The following PALM2AKAP2 variants were observed in gnomAD, a reference collection of about 807,000 sequenced individuals.
PALM2AKAP2 encodes PALM2-AKAP2 fusion protein.
In PALM2AKAP2, 37 loss-of-function variants were observed where a neutral mutation model predicts 71.5. The ratio of observed to expected loss-of-function variants is 0.52; its 90% CI spans 0.40 to 0.68. The LOEUF (loss-of-function observed/expected upper bound fraction) is 0.68. PALM2AKAP2 is among the 30% of genes least tolerant of loss of function. The pLI, the probability that PALM2AKAP2 is intolerant of heterozygous loss-of-function variation, is 0.00. For missense variants in PALM2AKAP2, 1,224 were observed against 1,191.8 expected (o/e 1.03, Z -0.40); for synonymous variants, 468 against 478.8 (o/e 0.98, Z 0.29).
intron 1 of PALM2AKAP2, among the ~76,000 whole-genome samples, chr9:109,841,058 A>C (rs1371821876): frequency 1.2e-4 from 19 of 152,238 alleles, no homozygotes; most frequent in Non-Finnish European, 8.8e-5. Context: ...CTACAAAGAC[A>C]CATGCACAGG....
At chr9:110,062,479 T>C (rs1833985890) in intron 1 of PALM2AKAP2, among the ~76,000 whole-genome samples, 1 of 152,198 alleles carries the variant, frequency 6.6e-6, no homozygotes, top group Admixed American at 6.5e-5. Flanking sequence ...ACATAAAAAA[T>C]AGCATTTTAA....
At chr9:109,828,854 T>C (rs1287933539) in intron 1 of PALM2AKAP2, among the ~76,000 whole-genome samples, 1 of 152,164 alleles carries the variant, frequency 6.6e-6, no homozygotes. Flanking sequence ...GTAAAGTGAG[T>C]CTTCAGAAAC....
chr9:110,100,720 G>A (rs1390235617), intron 1 of PALM2AKAP2, among the ~76,000 whole-genome samples: 1 of 152,184 alleles, frequency 6.6e-6, no homozygotes, highest in Non-Finnish European at 1.5e-5. Context: ...TAGAATTTGT[G>A]TCAACTGTCT....
At chr9:109,666,376 T>G (rs985476455) in intron 1 of PALM2AKAP2, among the ~76,000 whole-genome samples, 1 of 152,230 alleles carries the variant, frequency 6.6e-6, no homozygotes, top group African/African-American at 2.4e-5. Context: ...GTGCCTCTTT[T>G]TGATGAATCT....
intron 1 of PALM2AKAP2, among the ~76,000 whole-genome samples, chr9:109,822,129 G>A (rs1295268344): frequency 1.3e-5 from 2 of 152,220 alleles, no homozygotes; most frequent in African/African-American, 4.8e-5. Context: ...CAAGGAAAAA[G>A]GGGAGGGAAT....
At chr9:109,796,735 C>T (rs1827266571) in intron 1 of PALM2AKAP2, among the ~76,000 whole-genome samples, 1 of 152,090 alleles carries the variant, frequency 6.6e-6, no homozygotes, top group Non-Finnish European at 1.5e-5. Context: ...ACTTATAAAA[C>T]CATCAGATTT....
chr9:109,957,975 T>G (rs1359321053), intron 6 of PALM2AKAP2, among the ~76,000 whole-genome samples: 2 of 152,174 alleles, frequency 1.3e-5, no homozygotes, highest in African/African-American at 2.4e-5. Context: ...AAAGCCCAAG[T>G]CTGTCATTGG....
At chr9:109,866,896 C>T (rs1488851825) in intron 1 of PALM2AKAP2, 2 of 389,520 alleles carry the variant, frequency 5.1e-6, no homozygotes, top group East Asian at 7.2e-5. Flanking sequence ...AGCTGCCCCA[C>T]CCACATGAAA....
rs771198138 is a variant in PALM2AKAP2, at chr9:109,707,967, G to C, written c.5+67101G>C. Among the ~76,000 whole-genome samples the C allele has an allele frequency of 1.4e-4, 22 of 152,248 alleles. 1 individual carries two copies. Among genetic ancestry groups the C allele is most frequent in the Non-Finnish European group, 2.9e-4 (20 of 68,010 alleles). The stretch of plus-strand genomic sequence containing the variant: ...TAGATTCAAACCCAGGCCAAGCCCA[G>C]TGCCTTTCCCATAAGATCTTCATGG... On this transcript the variant is annotated intron_variant, in intron 1 of 6. Transcript: ENST00000374531.
intron 1 of PALM2AKAP2, among the ~76,000 whole-genome samples, chr9:109,651,384 G>A (rs943150638): frequency 5.9e-5 from 9 of 152,124 alleles, no homozygotes; most frequent in Non-Finnish European, 1.0e-4. Flanking sequence ...TTGATGTGGC[G>A]ATGGCTCCCT....
chr9:110,038,357 C>CA lies in PALM2AKAP2; in HGVS notation c.582+22324dup, dbSNP rs869224268. On this transcript the variant is annotated intron_variant, in intron 7 of 9. Coordinates refer to the PALM2AKAP2 transcript ENST00000302798. Reference sequence around the variant, plus strand: ...ACAAACAAACAAACAAACAAACAAACAAAAAACAAAAAGGTCAGAGAGCAC... The same window carrying CA: ...ACAAACAAACAAACAAACAAACAAACAAAAAAACAAAAAGGTCAGAGAGCAC... 2.8e-5 allele frequency among the ~76,000 whole-genome samples: 4 copies of CA among 143,428 alleles called. No individual in the cohort carries two copies. In the East Asian group the frequency reaches 8.3e-4, roughly 30 times the overall value. 94.1% of individuals were successfully genotyped at this position (143,428 alleles called of 152,430 possible). A position where few individuals can be genotyped will look rare whatever the true frequency, so the allele number is the denominator to read the frequency against.
chr9:110,143,433 G>GGA (rs1332770078), intron 2 of PALM2AKAP2, among the ~76,000 whole-genome samples: 3 of 98,012 alleles, frequency 3.1e-5, no homozygotes, highest in East Asian at 4.3e-4. Flanking sequence ...AAAAAAAAAA[G>GGA]GAGAGAGAGA....
Position 109,948,781 on chromosome 9 carries a change from A to G in PALM2AKAP2, c.496+16753A>G, listed in dbSNP as rs75362679. Reference sequence around the variant, plus strand: ...AAGAATAGAAATACAGAAAGAAAAGAATTACAGGGTGGCTTTCTTTTTATT... The same window carrying G: ...AAGAATAGAAATACAGAAAGAAAAGGATTACAGGGTGGCTTTCTTTTTATT... On this transcript the variant is annotated intron_variant, in intron 6 of 9. Coordinates refer to the PALM2AKAP2 transcript ENST00000302798. Among the ~76,000 whole-genome samples, 892 of 152,356 alleles carry G rather than the reference A, an allele frequency of 5.9e-3. 14 individuals carry two copies. Among genetic ancestry groups the G allele is most frequent in the African/African-American group, 0.021 (857 of 41,572 alleles).
At chr9:109,855,843 C>T (rs1193349768) in intron 1 of PALM2AKAP2, among the ~76,000 whole-genome samples, 1 of 152,104 alleles carries the variant, frequency 6.6e-6, no homozygotes, top group African/African-American at 2.4e-5. Flanking sequence ...TCATGGGAGA[C>T]TGATGGAATT....
chr9:109,881,316 C>G (rs1304001241), intron 3 of PALM2AKAP2, among the ~76,000 whole-genome samples: 1 of 152,176 alleles, frequency 6.6e-6, no homozygotes, highest in Non-Finnish European at 1.5e-5. Context: ...GAGCAGCTTG[C>G]CCCTTCACTA....
chr9:110,053,143 G>A (rs143411395), intron 1 of PALM2AKAP2, among the ~76,000 whole-genome samples: 4 of 152,268 alleles, frequency 2.6e-5, no homozygotes, highest in Admixed American at 6.5e-5. Context: ...GGCTGCCCTC[G>A]CCTCCTTTTC....
At chr9:109,782,905 C>T (rs914598707) in intron 1 of PALM2AKAP2, among the ~76,000 whole-genome samples, 1 of 151,988 alleles carries the variant, frequency 6.6e-6, no homozygotes, top group Non-Finnish European at 1.5e-5. Context: ...TTCTGCAAAC[C>T]CTGACTCTCT....
chr9:109,976,634 C>A (rs531667284), intron 6 of PALM2AKAP2, among the ~76,000 whole-genome samples: 7 of 152,100 alleles, frequency 4.6e-5, no homozygotes, highest in Non-Finnish European at 1.0e-4. Context: ...CCATGTGTTG[C>A]CCTAAAATCA....
At chr9:109,731,761 A>T (rs1453717088) in intron 1 of PALM2AKAP2, among the ~76,000 whole-genome samples, 3 of 152,232 alleles carry the variant, frequency 2.0e-5, no homozygotes, top group Non-Finnish European at 4.4e-5. Context: ...TAAGCATGTT[A>T]TACTCCTACA....
Sources: allele counts gnomAD v4.1 joint callset (sites outside exome capture counted in the v4.1 genomes callset), GRCh38; gene constraint gnomAD v4.1.1; transcripts MANE v1.5; gene names NCBI Gene and HGNC (gene_info 2026-07-23, HGNC 2026-07-21).